Variants in METRNL observed in about 807,000 individuals in gnomAD.
The protein encoded by METRNL is meteorin-like protein.
In METRNL, 9 loss-of-function variants were observed where a neutral mutation model predicts 17.4. The observed-to-expected ratio is 0.52, with a 90% confidence interval of 0.31 to 0.90. The LOEUF (loss-of-function observed/expected upper bound fraction) is 0.90. Ranked by LOEUF, METRNL falls within the 40% of genes least tolerant of loss-of-function variation. The probability of loss-of-function intolerance (pLI) is 0.05; values close to 1 mark genes in which losing one functional copy is unlikely to be tolerated. For missense variants in METRNL, 408 were observed against 430.7 expected, an observed-to-expected ratio of 0.95 and a Z score of 0.47; for synonymous variants, 215 against 199.3, an observed-to-expected ratio of 1.08 and a Z score of -0.66.
At chr17:83,084,896 A>T in intron 1 of METRNL, 42 bp from the exon 2 acceptor site, 6 of 1,572,588 alleles carry the variant, frequency 3.8e-6, no homozygotes, top group Non-Finnish European at 5.2e-6. Context: ...GGGGTGTGTG[A>T]CGGGAGCTCC....
chr17:83,084,330 C>G (rs1002474584), intron 1 of METRNL: 1 of 152,616 alleles, frequency 6.6e-6, no homozygotes, highest in Non-Finnish European at 1.5e-5. Context: ...AAACTGCCAA[C>G]ACTCTGGATT....
chr17:83,085,443 G>A lies in METRNL; in HGVS notation c.556+120G>A, dbSNP rs565038637. On this transcript the variant is annotated intron_variant, in intron 2 of 3. Coordinates refer to ENST00000320095, the MANE Select transcript of METRNL (RefSeq NM_001004431.3). ...GCTCAGCCTTGGTGAAAACCCTTCT[G>A]TGTCTGTGCTTCGGACATGACTGTT... 310 of 1,323,124 alleles carry A rather than the reference G, an allele frequency of 2.3e-4. 1 individual carries two copies. The African/African-American group carries it at 4.3e-3, about 18-fold the overall frequency. 82.0% of individuals were successfully genotyped at this position (1,323,124 alleles called of 1,614,324 possible). A position where few individuals can be genotyped will look rare whatever the true frequency, so the allele number is the denominator to read the frequency against.
intron 2 of METRNL, among the ~76,000 whole-genome samples, chr17:83,088,648 G>A (rs2038080234): frequency 6.6e-6 from 1 of 151,496 alleles, no homozygotes; most frequent in Non-Finnish European, 1.5e-5. Context: ...TGAGCACGTG[G>A]TGCCGTCCCT....
intron 1 of METRNL, among the ~76,000 whole-genome samples, chr17:83,080,428 A>C (rs1403286082): frequency 1.3e-5 from 2 of 148,870 alleles, no homozygotes; most frequent in African/African-American, 2.5e-5. Context: ...CGCGGACCGC[A>C]GCGGGGGCCA....
chr17:83,087,082 C>T (rs546190480), intron 2 of METRNL, among the ~76,000 whole-genome samples: 24 of 152,226 alleles, frequency 1.6e-4, no homozygotes, highest in Middle Eastern at 3.4e-3. Context: ...CCAGAGCAGG[C>T]ATTCGGCGGT....
chr17:83,080,003 G>A lies in METRNL; in HGVS notation c.170+18G>A. 9.9e-7 allele frequency: 1 copy of A among 1,012,754 alleles called. No homozygotes were observed. The highest frequency in any genetic ancestry group is 1.2e-6 in the Non-Finnish European group (1 of 849,186). The allele number at this position is 1,012,754 out of a possible 1,614,324, so 62.7% of individuals were successfully genotyped here. A position where few individuals can be genotyped will look rare whatever the true frequency, so the allele number is the denominator to read the frequency against. On this transcript the variant is annotated intron_variant, in intron 1 of 3. Coordinates refer to ENST00000320095, the MANE Select transcript of METRNL (RefSeq NM_001004431.3). ...AAGGGGAGGTGAGTGTGCGCGGCGC[G>A]ACCCCGGCCCGGCCCCCTCCCCTCG...
chr17:83,090,963 A>G (rs1218699716), intron 2 of METRNL, among the ~76,000 whole-genome samples: 1 of 152,138 alleles, frequency 6.6e-6, no homozygotes, highest in African/African-American at 2.4e-5. Context: ...GGGTCCACAT[A>G]GGTGAACTAA....
chr17:83,084,837 C>A, intron 1 of METRNL, 101 bp from the exon 2 acceptor site: 1 of 1,458,962 alleles, frequency 6.9e-7, no homozygotes, highest in Non-Finnish European at 9.2e-7. Context: ...CAGGAGCCGC[C>A]ATCATTTGGA....
Position 83,084,927 on chromosome 17 carries a change from C to T in METRNL, c.171-11C>T, listed in dbSNP as rs375948064. 5.9e-4 allele frequency: 942 copies of T among 1,603,436 alleles called. 4 individuals are homozygous for T. Among genetic ancestry groups the T allele is most frequent in the Non-Finnish European group, 7.7e-4 (902 of 1,174,284 alleles). ...GCTCCGGGCCTGGCTGACAGTGTCT[C>T]TCCTCTGCAGCGGGCTGACGCACGA... On this transcript the variant is annotated splice_polypyrimidine_tract_variant and intron_variant, in intron 1 of 3. Transcript: ENST00000320095.
chr17:83,092,262 ACTGC>A (rs2038147350), intron 2 of METRNL: 1 of 152,278 alleles, frequency 6.6e-6, no homozygotes, highest in African/African-American at 2.4e-5. Flanking sequence ...ACTGGAACTC[ACTGC>A]CCTGCTGGGT....
chr17:83,090,628 G>A lies in METRNL; in HGVS notation c.557-2539G>A, dbSNP rs1258254474. Among the ~76,000 whole-genome samples, 5 of 149,598 alleles carry A rather than the reference G, an allele frequency of 3.3e-5. No individual in the cohort carries two copies. In the East Asian group the frequency reaches 6.1e-4, roughly 18 times the overall value. ...CCCCAGCTGCCATGGCTGCCCAGCCGGAGGGTGCTGCTCAGTGAGGGGACC... is the reference window on the plus strand; with the variant it reads ...CCCCAGCTGCCATGGCTGCCCAGCCAGAGGGTGCTGCTCAGTGAGGGGACC... On this transcript the variant is annotated intron_variant, in intron 2 of 3. Coordinates refer to ENST00000320095, the MANE Select transcript of METRNL (RefSeq NM_001004431.3).
intron 2 of METRNL, among the ~76,000 whole-genome samples, chr17:83,089,368 G>C (rs528602320): frequency 6.6e-6 from 1 of 152,160 alleles, no homozygotes; most frequent in Non-Finnish European, 1.5e-5. Context: ...GTTTCCCGTC[G>C]GAACTGTGTG....
In METRNL at chr17:83,092,550, G is replaced by C. The variant is rs1173200904; in HGVS notation, c.557-617G>C. The C allele has an allele frequency of 2.8e-5, 4 of 143,070 alleles. No homozygotes were observed. In the East Asian group the frequency reaches 8.7e-4, roughly 31 times the overall value. The allele number at this position is 143,070 out of a possible 1,614,324, so 8.9% of individuals were successfully genotyped here. On this transcript the variant is annotated intron_variant, in intron 2 of 3. Coordinates refer to ENST00000320095, the MANE Select transcript of METRNL (RefSeq NM_001004431.3). ...ACTCTGGGAGGTGGGGGTGCTCCTG[G>C]CGCCGTGGGCTGTGGAGGTGGGTTG...
At chr17:83,080,209 G>C (rs903973645) in intron 1 of METRNL, 1 of 161,314 alleles carries the variant, frequency 6.2e-6, no homozygotes, top group African/African-American at 2.4e-5. Context: ...CCCGGGGGAG[G>C]CGCGCCTGCA....
chr17:83,086,059 C>T (rs986656444), intron 2 of METRNL, among the ~76,000 whole-genome samples: 4 of 152,160 alleles, frequency 2.6e-5, no homozygotes, highest in Non-Finnish European at 2.9e-5. Context: ...AGAGGTCCTT[C>T]GTGGAGGGCT....
intron 2 of METRNL, 126 bp downstream of exon 2, chr17:83,085,449 G>A: frequency 7.8e-7 from 1 of 1,290,086 alleles, no homozygotes; most frequent in Non-Finnish European, 1.0e-6. Context: ...TTCTGTGTCT[G>A]TGCTTCGGAC....
intron 1 of METRNL, among the ~76,000 whole-genome samples, chr17:83,083,667 G>A (rs1049787296): frequency 5.9e-5 from 9 of 152,336 alleles, no homozygotes; most frequent in African/African-American, 1.9e-4. Flanking sequence ...GTGCACCCTC[G>A]ACACCACCCT....
chr17:83,093,462 CAT>C, intron 3 of METRNL, among the ~76,000 whole-genome samples: 1 of 152,246 alleles, frequency 6.6e-6, no homozygotes, highest in Admixed American at 6.5e-5. Context: ...GACTGTCAAA[CAT>C]TTTCCCATTT....
At chr17:83,091,240 G>A (rs911385138) in intron 2 of METRNL, among the ~76,000 whole-genome samples, 68 of 150,456 alleles carry the variant, frequency 4.5e-4, no homozygotes, top group Admixed American at 3.2e-3. Context: ...AGGCTGGACC[G>A]GGCCTCGAGG....
Sources: allele counts gnomAD v4.1 joint callset (sites outside exome capture counted in the v4.1 genomes callset), GRCh38; gene constraint gnomAD v4.1.1; transcripts MANE v1.5; gene names NCBI Gene and HGNC (gene_info 2026-07-23, HGNC 2026-07-21).